Variants in KIF16B observed in about 807,000 individuals in gnomAD.
KIF16B encodes kinesin-like protein KIF16B.
Under a neutral mutation model 156.3 loss-of-function variants are expected in KIF16B, and 98 were observed. The ratio of observed to expected loss-of-function variants is 0.63; its 90% CI spans 0.53 to 0.74. The LOEUF is 0.74. KIF16B is among the 30% of genes least tolerant of loss of function. The pLI is 0.00. For missense variants in KIF16B, 1,421 were observed against 1,606.5 expected (o/e 0.88, Z 1.97); for synonymous variants, 564 against 583.7 (o/e 0.97, Z 0.49).
At chr20:16,549,806 G>A (rs2070570143) in intron 1 of KIF16B, among the ~76,000 whole-genome samples, 1 of 125,324 alleles carries the variant, frequency 8.0e-6, no homozygotes, top group African/African-American at 3.1e-5. Context: ...GTAGGAAGCT[G>A]AAACTGGATC....
intron 12 of KIF16B, among the ~76,000 whole-genome samples, chr20:16,435,527 G>C (rs1407061128): frequency 6.6e-6 from 1 of 152,112 alleles, no homozygotes; most frequent in Admixed American, 6.6e-5. Context: ...TATTTTCCTG[G>C]AACACAATAC....
chr20:16,465,577 A>G (rs1408539716), intron 12 of KIF16B, among the ~76,000 whole-genome samples: 1 of 152,230 alleles, frequency 6.6e-6, no homozygotes, highest in East Asian at 1.9e-4. Context: ...CAAAATCTCT[A>G]CATGAATTAT....
Position 16,368,528 on chromosome 20 carries a change from C to G in KIF16B, c.3498+2058G>C, listed in dbSNP as rs2064735592. ...CCCACAAGCCTGGCTTGGCTGATCA[C>G]CTTTGTGCCAGCCTGAAGCAGGTGA... On this transcript the variant is annotated intron_variant, in intron 22 of 25. Coordinates refer to ENST00000354981, the MANE Select transcript of KIF16B (RefSeq NM_024704.5). The G allele has an allele frequency of 6.1e-6, 6 of 986,064 alleles. No individual in the cohort carries two copies. In the South Asian group the frequency reaches 1.9e-4, roughly 31 times the overall value. 61.1% of individuals were successfully genotyped at this position (986,064 alleles called of 1,614,324 possible). A position where few individuals can be genotyped will look rare whatever the true frequency, so the allele number is the denominator to read the frequency against.
chr20:16,470,095 A>T (rs1176755526), intron 12 of KIF16B, among the ~76,000 whole-genome samples: 3 of 152,244 alleles, frequency 2.0e-5, no homozygotes, highest in Non-Finnish European at 2.9e-5. Flanking sequence ...AAAAAGGCTC[A>T]TATGGTATGA....
At chr20:16,386,799 G>A (rs1418818342) in intron 17 of KIF16B, among the ~76,000 whole-genome samples, 1 of 151,980 alleles carries the variant, frequency 6.6e-6, no homozygotes, top group African/African-American at 2.4e-5. Flanking sequence ...ATGACCAAGG[G>A]ACAATCTCTC....
intron 22 of KIF16B, among the ~76,000 whole-genome samples, chr20:16,362,417 G>T (rs896983193): frequency 3.1e-4 from 47 of 152,184 alleles, no homozygotes; most frequent in African/African-American, 1.1e-3. Context: ...GAATTGAAAA[G>T]AAACTTGTAA....
chr20:16,379,890 G>A lies in KIF16B; in HGVS notation c.2112C>T (p.Arg704=), dbSNP rs367620646. ...TGAGTCGTTGGAGTTCTTCTTGGAC[G>A]CGGAGAAAGGTCTCTTCTTCTTGTC... The part of the protein sequence containing the change: ...KKRQEEETFL[R]VQEELQRLKE... The change falls in exon 19 of 26, where the codon CGC becomes CGT. Residue 704 remains arginine (R), a synonymous_variant. Coordinates refer to ENST00000354981, the MANE Select transcript of KIF16B (RefSeq NM_024704.5). 29 of 1,614,046 alleles carry A rather than the reference G, an allele frequency of 1.8e-5. No homozygotes were observed. Among genetic ancestry groups the A allele is most frequent in the Admixed American group, 8.3e-5 (5 of 60,004 alleles).
At chr20:16,449,121 G>A (rs146777931) in intron 12 of KIF16B, among the ~76,000 whole-genome samples, 200 of 152,132 alleles carry the variant, frequency 1.3e-3, no homozygotes, top group African/African-American at 4.6e-3. Context: ...TCAATGAAAC[G>A]TAATGGGAAC....
At chr20:16,274,457 A>G (rs1359883352) in intron 25 of KIF16B, among the ~76,000 whole-genome samples, 2 of 152,198 alleles carry the variant, frequency 1.3e-5, no homozygotes, top group African/African-American at 2.4e-5. Context: ...ACACAAGAAT[A>G]GTTAATATAT....
intron 12 of KIF16B, among the ~76,000 whole-genome samples, chr20:16,465,946 C>CA (rs912672998): frequency 1.6e-4 from 25 of 152,016 alleles, no homozygotes; most frequent in Non-Finnish European, 2.9e-4. Context: ...GTGGTAGGCA[C>CA]AAAAAAGTTA....
chr20:16,367,618 T>C, intron 22 of KIF16B: 1 of 1,612,772 alleles, frequency 6.2e-7, no homozygotes, highest in East Asian at 2.2e-5. Context: ...GACATTGACT[T>C]CCATATTTCC....
intron 1 of KIF16B, among the ~76,000 whole-genome samples, chr20:16,537,472 C>G (rs1416505200): frequency 6.6e-6 from 1 of 152,096 alleles, no homozygotes; most frequent in African/African-American, 2.4e-5. Context: ...TCCCCAGCCT[C>G]TGGCACATTG....
At chr20:16,570,220 TAC>T (rs1488962443) in intron 1 of KIF16B, among the ~76,000 whole-genome samples, 1 of 152,228 alleles carries the variant, frequency 6.6e-6, no homozygotes, top group Non-Finnish European at 1.5e-5. Flanking sequence ...TCATCATCTT[TAC>T]ACATATATCT....
intron 1 of KIF16B, among the ~76,000 whole-genome samples, chr20:16,562,930 C>T (rs569902979): frequency 3.9e-4 from 60 of 152,230 alleles, no homozygotes; most frequent in Non-Finnish European, 7.5e-4. Context: ...GATAGTACAG[C>T]GCAGGATTTA....
intron 25 of KIF16B, among the ~76,000 whole-genome samples, chr20:16,286,763 A>G (rs1227675174): frequency 6.6e-6 from 1 of 152,206 alleles, no homozygotes; most frequent in Non-Finnish European, 1.5e-5. Context: ...TGGCTGGGAC[A>G]GTGGTACGTG....
At chr20:16,349,352 T>C (rs1279424855) in intron 23 of KIF16B, among the ~76,000 whole-genome samples, 2 of 152,146 alleles carry the variant, frequency 1.3e-5, no homozygotes. Flanking sequence ...TACGGTGCAG[T>C]TGGACTCTGA....
intron 2 of KIF16B, among the ~76,000 whole-genome samples, 177 bp from the exon 3 acceptor site, chr20:16,526,382 G>T (rs1291530051): frequency 6.6e-6 from 1 of 152,154 alleles, no homozygotes; most frequent in East Asian, 1.9e-4. Flanking sequence ...AGTTCTCTGT[G>T]ATATGACCCA....
intron 23 of KIF16B, among the ~76,000 whole-genome samples, chr20:16,347,576 T>A (rs7269191): frequency 0.089 from 13,605 of 152,076 alleles, 727 homozygotes; most frequent in African/African-American, 0.16. Context: ...AAAAAAAAAT[T>A]TTTTTTCACT....
intron 12 of KIF16B, among the ~76,000 whole-genome samples, chr20:16,458,905 G>A (rs7348023): frequency 0.077 from 11,651 of 152,102 alleles, 625 homozygotes; most frequent in African/African-American, 0.14. Context: ...GAAGGTATCC[G>A]TTTTCTTATT....
Sources: gnomAD v4.1 joint callset for allele counts (sites outside exome capture counted in the v4.1 genomes callset) on GRCh38, gnomAD v4.1.1 for gene constraint, MANE v1.5 for transcripts, NCBI Gene and HGNC (gene_info 2026-07-23, HGNC 2026-07-21) for gene names.